The following AKR1C8 variants were observed in gnomAD, a reference collection of about 807,000 sequenced individuals.
The protein encoded by AKR1C8 is aldo-keto reductase family 1 member C8.
the AKR1C8 span, among the ~76,000 whole-genome samples, chr10:5,116,772 G>A: frequency 3.5e-4 from 53 of 152,250 alleles, no homozygotes; most frequent in East Asian, 0.01. Context: ...ACATCAAAGG[G>A]GCTGTAGTGC....
the AKR1C8 span, among the ~76,000 whole-genome samples, chr10:5,153,395 G>C: frequency 2.0e-5 from 3 of 152,034 alleles, no homozygotes; most frequent in African/African-American, 7.2e-5. Flanking sequence ...GGAAAAATAT[G>C]GTAGTTATTT....
At chr10:5,169,953 C>A in the AKR1C8 span, among the ~76,000 whole-genome samples, 1 of 152,004 alleles carries the variant, frequency 6.6e-6, no homozygotes, top group Non-Finnish European at 1.5e-5. Context: ...TTTGGGCTGT[C>A]AGGGGTTGCT....
chr10:5,136,902 A>T, the AKR1C8 span, among the ~76,000 whole-genome samples: 1 of 152,206 alleles, frequency 6.6e-6, no homozygotes, highest in Non-Finnish European at 1.5e-5. Flanking sequence ...TAAACAAGAT[A>T]TAAAACACAG....
At chr10:5,136,917 A>C in the AKR1C8 span, among the ~76,000 whole-genome samples, 1 of 152,190 alleles carries the variant, frequency 6.6e-6, no homozygotes, top group Non-Finnish European at 1.5e-5. Flanking sequence ...ACACAGGCAT[A>C]TTTTATAGCT....
chr10:5,117,582 T>A, the AKR1C8 span, among the ~76,000 whole-genome samples: 4 of 152,148 alleles, frequency 2.6e-5, no homozygotes, highest in Non-Finnish European at 1.5e-5. Flanking sequence ...TGTGTTGCTA[T>A]AAAGGAATAC....
chr10:5,126,743 C>T, the AKR1C8 span, among the ~76,000 whole-genome samples: 1 of 152,110 alleles, frequency 6.6e-6, no homozygotes, highest in Non-Finnish European at 1.5e-5. Context: ...CCATAGGAGA[C>T]AGTGAACTTG....
the AKR1C8 span, among the ~76,000 whole-genome samples, chr10:5,181,414 T>C: frequency 6.6e-6 from 1 of 152,230 alleles, no homozygotes; most frequent in Non-Finnish European, 1.5e-5. Flanking sequence ...TGACTTATGG[T>C]AATCTGAAAT....
At chr10:5,167,569 G>T in the AKR1C8 span, among the ~76,000 whole-genome samples, 1,275 of 152,294 alleles carry the variant, frequency 8.4e-3, 16 homozygotes, top group African/African-American at 0.029. Flanking sequence ...TCACTCATAG[G>T]TGGGAATTGA....
chr10:5,175,576 G>C, the AKR1C8 span, among the ~76,000 whole-genome samples: 2 of 152,188 alleles, frequency 1.3e-5, no homozygotes, highest in Non-Finnish European at 2.9e-5. Flanking sequence ...GTTTGAACTA[G>C]TTGACAGTCC....
At chr10:5,160,830 C>G in the AKR1C8 span, 8 of 471,030 alleles carry the variant, frequency 1.7e-5, no homozygotes, top group Non-Finnish European at 3.5e-5. Flanking sequence ...TGTCACAAAG[C>G]TCCACAGTTT....
the AKR1C8 span, among the ~76,000 whole-genome samples, chr10:5,134,278 G>C: frequency 6.6e-6 from 1 of 152,088 alleles, no homozygotes; most frequent in Non-Finnish European, 1.5e-5. Flanking sequence ...TCATTACAAA[G>C]TAAACCGCTA....
At chr10:5,178,519 A>G in the AKR1C8 span, among the ~76,000 whole-genome samples, 3 of 151,640 alleles carry the variant, frequency 2.0e-5, no homozygotes, top group Non-Finnish European at 2.9e-5. Context: ...AGCTGAGTTC[A>G]ATTCCTGGGT....
chr10:5,121,360 G>A, the AKR1C8 span, among the ~76,000 whole-genome samples: 4 of 152,140 alleles, frequency 2.6e-5, no homozygotes, highest in Non-Finnish European at 5.9e-5. Context: ...AACTCCAGAG[G>A]ATCTTATCTT....
At chr10:5,143,311 T>A in the AKR1C8 span, among the ~76,000 whole-genome samples, 1 of 152,152 alleles carries the variant, frequency 6.6e-6, no homozygotes, top group Non-Finnish European at 1.5e-5. Context: ...TCTTTGAACT[T>A]GTTCACGAGT....
chr10:5,142,257 T>C, the AKR1C8 span, among the ~76,000 whole-genome samples: 5 of 152,170 alleles, frequency 3.3e-5, no homozygotes, highest in Non-Finnish European at 7.4e-5. Context: ...GGCTTTGGCC[T>C]AAGGGAATGT....
the AKR1C8 span, among the ~76,000 whole-genome samples, chr10:5,119,867 T>C: frequency 1.2e-4 from 18 of 152,336 alleles, no homozygotes; most frequent in South Asian, 1.2e-3. Flanking sequence ...CAAGTGTTTT[T>C]CCGAAGGTAC....
At chr10:5,143,124 G>A in the AKR1C8 span, among the ~76,000 whole-genome samples, 3 of 152,030 alleles carry the variant, frequency 2.0e-5, no homozygotes, top group Admixed American at 2.0e-4. Context: ...GCATGATATT[G>A]ACATTTGAAT....
the AKR1C8 span, among the ~76,000 whole-genome samples, chr10:5,167,214 A>T: frequency 6.6e-6 from 1 of 152,210 alleles, no homozygotes; most frequent in Non-Finnish European, 1.5e-5. Flanking sequence ...ACCCTTATGG[A>T]AGTCAGTATG....
the AKR1C8 span, chr10:5,154,330 G>A: frequency 3.6e-6 from 1 of 280,848 alleles, no homozygotes; most frequent in Non-Finnish European, 7.7e-6. Context: ...TCTATGGAGG[G>A]GATGAGATGC....
Sources: gnomAD v4.1 joint callset for allele counts (sites outside exome capture counted in the v4.1 genomes callset) on GRCh38, gnomAD v4.1.1 for gene constraint, MANE v1.5 for transcripts, NCBI Gene and HGNC (gene_info 2026-07-23, HGNC 2026-07-21) for gene names.